ABCA4: variants seen among roughly 807,000 people sequenced by gnomAD.
ABCA4 encodes the protein ATP binding cassette subfamily A member 4, also known as retinal-specific phospholipid-transporting ATPase ABCA4.
Under a neutral mutation model 263.7 loss-of-function variants are expected in ABCA4, and 196 were observed. That is an observed-to-expected ratio of 0.74 (90% confidence interval 0.66 to 0.84). ABCA4 has a LOEUF of 0.84. Ranked by LOEUF, ABCA4 falls within the 40% of genes least tolerant of loss-of-function variation. The pLI is 0.00. For missense variants in ABCA4, 2,792 were observed against 2,855.1 expected (o/e 0.98, Z 0.50); for synonymous variants, 1,133 against 1,094.2 (o/e 1.04, Z -0.70).
chr1:94,040,225 C>T (rs1179255614), intron 23 of ABCA4, 98 bp from the exon 24 acceptor site: 6 of 962,744 alleles, frequency 6.2e-6, no homozygotes, highest in Non-Finnish European at 9.8e-6. Flanking sequence ...TTATTTATTT[C>T]TCACTGCCAA....
rs759473098 is a variant in ABCA4, at chr1:94,083,558, C to T, written c.769-117G>A. 46 of 733,156 alleles carry T rather than the reference C, an allele frequency of 6.3e-5. 1 individual carries two copies. Among genetic ancestry groups the T allele is most frequent in the South Asian group, 4.2e-4 (23 of 55,392 alleles). 45.4% of individuals were successfully genotyped at this position (733,156 alleles called of 1,614,324 possible). ...AACTCCCCCCCTCCTTCTTTCTGATCGCAGGATCTTTTCTGCAAGATTACT... is the reference window on the plus strand; with the variant it reads ...AACTCCCCCCCTCCTTCTTTCTGATTGCAGGATCTTTTCTGCAAGATTACT... On this transcript the variant is annotated intron_variant, in intron 6 of 49. Coordinates refer to ENST00000370225, the MANE Select transcript of ABCA4 (RefSeq NM_000350.3).
rs61751406 is a variant in ABCA4, at chr1:94,014,622, G to T, written c.5381C>A (p.Ala1794Asp). 2.2e-5 allele frequency: 35 copies of T among 1,614,072 alleles called. No individual in the cohort carries two copies. Among genetic ancestry groups the T allele is most frequent in the Non-Finnish European group, 2.7e-5 (32 of 1,180,028 alleles). ...LFDVPSTAYVALSCANLFIGI... is the reference protein window; with the variant it reads ...LFDVPSTAYVDLSCANLFIGI... ...GATGAACAGATTAGCACAAGATAAA[G>T]CCACATAGGCTGTGCTGGGGACATC... Residue 1794 changes from alanine (A) to aspartate (D), a missense_variant, in exon 38 of 50, where the codon GCT becomes GAT. Coordinates refer to ENST00000370225, the MANE Select transcript of ABCA4 (RefSeq NM_000350.3).
chr1:94,031,714 G>T, intron 27 of ABCA4, 64 bp downstream of exon 27: 1 of 1,604,162 alleles, frequency 6.2e-7, no homozygotes, highest in South Asian at 1.1e-5. Flanking sequence ...GAACACTCAG[G>T]AGAGGAGGGG....
intron 6 of ABCA4, among the ~76,000 whole-genome samples, chr1:94,087,217 C>T (rs946969037): frequency 1.3e-5 from 2 of 152,170 alleles, no homozygotes; most frequent in Non-Finnish European, 2.9e-5. Context: ...TAGCATGCAT[C>T]TCCTCTTCAT....
chr1:94,062,986 T>C, intron 12 of ABCA4, 126 bp downstream of exon 12: 1 of 1,098,400 alleles, frequency 9.1e-7, no homozygotes, highest in South Asian at 1.3e-5. Context: ...TTATAAAATA[T>C]CTTATTTTTT....
At chr1:94,068,052 G>C (rs1661318442) in intron 11 of ABCA4, among the ~76,000 whole-genome samples, 2 of 152,194 alleles carry the variant, frequency 1.3e-5, no homozygotes, top group African/African-American at 4.8e-5. Context: ...AGGGGAGGAA[G>C]GGAGCTATTT....
In ABCA4 at chr1:94,031,556, A is replaced by G. The variant is rs142622081; in HGVS notation, c.4128+222T>C. Among the ~76,000 whole-genome samples the G allele has an allele frequency of 1.5e-3, 221 of 152,344 alleles. 4 individuals carry two copies. The highest frequency in any genetic ancestry group is 0.013 in the Admixed American group (202 of 15,306). On this transcript the variant is annotated intron_variant, in intron 27 of 49. Coordinates refer to ENST00000370225, the MANE Select transcript of ABCA4 (RefSeq NM_000350.3). ...TAAAAACAATATTAACATTTTCACT[A>G]TTATTCTATTTTCTTTGCTAGGGGA...
Position 94,030,659 on chromosome 1 carries a change from T to A in ABCA4, c.4254-133A>T, listed in dbSNP as rs945509585. The A allele has an allele frequency of 4.4e-6, 4 of 912,088 alleles. No homozygotes were observed. The African/African-American group carries it at 6.4e-5, about 15-fold the overall frequency. The allele number at this position is 912,088 out of a possible 1,614,324, so 56.5% of individuals were successfully genotyped here. On this transcript the variant is annotated intron_variant, in intron 28 of 49. Transcript: ENST00000370225. ...ACCGAATGCTGCCTTGGGATGGCGC[T>A]AGCTCTCCTGGGAGTGCGGTAGGCT...
chr1:94,078,584 C>CA lies in ABCA4; in HGVS notation c.1356+5_1356+6insT, dbSNP rs1553193877. The CA allele has an allele frequency of 1.2e-5, 19 of 1,568,290 alleles. No individual in the cohort carries two copies. Among genetic ancestry groups the CA allele is most frequent in the Admixed American group, 1.0e-4 (6 of 59,782 alleles). On this transcript the variant is annotated splice_donor_region_variant and intron_variant, in intron 10 of 49. Transcript: ENST00000370225. ...CCTCCCCTCCCCATCCTCCAACCCC[C>CA]CTTACTCTGATCATGTTCATCTGTG...
At chr1:94,028,441 G>A (rs1425462129) in intron 30 of ABCA4, among the ~76,000 whole-genome samples, 1 of 152,206 alleles carries the variant, frequency 6.6e-6, no homozygotes, top group Admixed American at 6.5e-5. Context: ...GGCTGTGCAT[G>A]TATTTGTGTA....
Position 94,042,633 on chromosome 1 carries a change from T to C in ABCA4, c.3328+128A>G, listed in dbSNP as rs376222091. 2,005 of 1,322,750 alleles carry C rather than the reference T, an allele frequency of 1.5e-3. 20 individuals are homozygous for C. The highest frequency in any genetic ancestry group is 0.012 in the South Asian group (944 of 80,528). 81.9% of individuals were successfully genotyped at this position (1,322,750 alleles called of 1,614,324 possible). A position where few individuals can be genotyped will look rare whatever the true frequency, so the allele number is the denominator to read the frequency against. ...GAACTTAGATTCACCAAGTCACTGA[T>C]AAACCCCCTTCTGAGTGTAGTCATT... On this transcript the variant is annotated intron_variant, in intron 22 of 49. Transcript: ENST00000370225.
Position 94,008,822 on chromosome 1 carries a change from C to G in ABCA4, c.5764G>C (p.Ala1922Pro). The change falls in exon 41 of 50, where the codon GCT (alanine) becomes CCT (proline). Residue 1922 changes from alanine to proline, a missense_variant. By Grantham distance (27) the Ala-to-Pro change is conservative. Coordinates refer to ENST00000370225, the MANE Select transcript of ABCA4 (RefSeq NM_000350.3). ...GTAATAATTCTTTGTCTTTCTTCAG[C>G]CACATCATCATCTTCATCAACAATG... ...EPIVDEDDDV[A>P]EERQRIITGG... The G allele has an allele frequency of 6.2e-7, 1 of 1,613,732 alleles. No homozygotes were observed. The highest frequency in any genetic ancestry group is 8.5e-7 in the Non-Finnish European group (1 of 1,179,948).
chr1:94,047,653 G>A (rs1021882723), intron 18 of ABCA4, among the ~76,000 whole-genome samples: 1 of 152,102 alleles, frequency 6.6e-6, no homozygotes, highest in African/African-American at 2.4e-5. Context: ...TTTCTGGACC[G>A]CCATTCTCTT....
chr1:94,048,990 A>G (rs1660764719), intron 17 of ABCA4, 33 bp from the exon 18 acceptor site: 2 of 1,609,040 alleles, frequency 1.2e-6, no homozygotes, highest in Middle Eastern at 1.7e-4. Flanking sequence ...TTACTCTACC[A>G]CCGGGAGCTG....
At chr1:94,038,102 C>A (rs1035034775) in intron 24 of ABCA4, among the ~76,000 whole-genome samples, 1 of 151,178 alleles carries the variant, frequency 6.6e-6, no homozygotes, top group African/African-American at 2.4e-5. Context: ...CCTCCACAAA[C>A]AAAACTGAAT....
chr1:94,049,885 T>C (rs946277958), intron 17 of ABCA4, among the ~76,000 whole-genome samples: 1 of 152,012 alleles, frequency 6.6e-6, no homozygotes, highest in Non-Finnish European at 1.5e-5. Context: ...GCATTTGGTT[T>C]AAAAAGATAT....
chr1:94,011,555 G>A (rs1659548607), intron 38 of ABCA4, among the ~76,000 whole-genome samples, 170 bp from the exon 39 acceptor site: 1 of 152,196 alleles, frequency 6.6e-6, no homozygotes, highest in South Asian at 2.1e-4. Context: ...AGCATCATGG[G>A]TTTGCAATGG....
intron 6 of ABCA4, among the ~76,000 whole-genome samples, chr1:94,085,956 C>A (rs1661815228): frequency 6.6e-6 from 1 of 152,196 alleles, no homozygotes. Context: ...CTCTTGCTCA[C>A]CCCTGCCCAG....
intron 44 of ABCA4, among the ~76,000 whole-genome samples, chr1:94,002,657 C>T (rs1023954835): frequency 2.0e-5 from 3 of 152,182 alleles, no homozygotes; most frequent in African/African-American, 4.8e-5. Context: ...ATACTAGTCC[C>T]CCGTGCCTGG....
Sources: allele counts gnomAD v4.1 joint callset (sites outside exome capture counted in the v4.1 genomes callset), GRCh38; gene constraint gnomAD v4.1.1; transcripts MANE v1.5; gene names NCBI Gene and HGNC (gene_info 2026-07-23, HGNC 2026-07-21).